CREB5: variants seen among roughly 807,000 people sequenced by gnomAD.
The protein encoded by CREB5 is cyclic AMP-responsive element-binding protein 5.
CREB5 carries 19 observed loss-of-function variants against 57.1 expected under a neutral mutation model. The ratio of observed to expected loss-of-function variants is 0.33; its 90% CI spans 0.23 to 0.49. The LOEUF is 0.49. Among genes scored for constraint, CREB5 ranks in the 20% least tolerant of loss-of-function variants. CREB5 has a pLI of 0.99. For missense variants in CREB5, 579 were observed against 671.6 expected, an observed-to-expected ratio of 0.86 and a Z score of 1.52; for synonymous variants, 238 against 238.3, an observed-to-expected ratio of 1.00 and a Z score of 0.01.
chr7:28,553,006 A>T (rs1794731568), intron 4 of CREB5, among the ~76,000 whole-genome samples: 1 of 152,184 alleles, frequency 6.6e-6, no homozygotes, highest in East Asian at 1.9e-4. Context: ...GGCGCAATTC[A>T]GTTTTCTCTC....
chr7:28,609,345 G>A (rs1363972178), intron 5 of CREB5, among the ~76,000 whole-genome samples: 1 of 152,070 alleles, frequency 6.6e-6, no homozygotes, highest in Non-Finnish European at 1.5e-5. Flanking sequence ...TTGAATTTCT[G>A]AGCCCTGACC....
At chr7:28,368,482 C>T (rs969765508) in intron 1 of CREB5, among the ~76,000 whole-genome samples, 2 of 152,180 alleles carry the variant, frequency 1.3e-5, no homozygotes, top group Non-Finnish European at 2.9e-5. Context: ...CTTTCTGATT[C>T]CACTTTCATG....
At chr7:28,635,840 T>C (rs1485234463) in intron 5 of CREB5, among the ~76,000 whole-genome samples, 1 of 152,188 alleles carries the variant, frequency 6.6e-6, no homozygotes, top group African/African-American at 2.4e-5. Flanking sequence ...ATATGGTGTC[T>C]CCCAAACTCC....
chr7:28,624,744 C>T (rs1014274592), intron 5 of CREB5, among the ~76,000 whole-genome samples: 3 of 151,120 alleles, frequency 2.0e-5, no homozygotes, highest in Middle Eastern at 3.4e-3. Context: ...TGAGTTTACT[C>T]GCTGAACTTC....
At chr7:28,382,743 C>T (rs946141287) in intron 1 of CREB5, among the ~76,000 whole-genome samples, 2 of 151,746 alleles carry the variant, frequency 1.3e-5, no homozygotes, top group African/African-American at 2.4e-5. Context: ...ATTCTCAACA[C>T]CCCCCTCACC....
At chr7:28,560,907 T>TGCATGC (rs1562797719) in intron 4 of CREB5, among the ~76,000 whole-genome samples, 2,513 of 42,514 alleles carry the variant, frequency 0.059, 441 homozygotes, top group Non-Finnish European at 0.068. Flanking sequence ...CGTGCGCGCG[T>TGCATGC]GCGTGTGCGT....
chr7:28,753,379 TAC>T (rs140459249), intron 7 of CREB5, among the ~76,000 whole-genome samples: 28 of 151,298 alleles, frequency 1.9e-4, no homozygotes, highest in Admixed American at 1.8e-3. Flanking sequence ...CGTGCATGCA[TAC>T]ACACACACAC....
chr7:28,748,038 G>GC (rs1449564767), intron 7 of CREB5, among the ~76,000 whole-genome samples: 6 of 152,234 alleles, frequency 3.9e-5, no homozygotes, highest in African/African-American at 1.4e-4. Context: ...TGGGCCTGTG[G>GC]CCATGTGGCT....
intron 1 of CREB5, among the ~76,000 whole-genome samples, chr7:28,472,381 A>C (rs1790861558): frequency 6.6e-6 from 1 of 152,208 alleles, no homozygotes; most frequent in Admixed American, 6.5e-5. Flanking sequence ...AATCCTCAAA[A>C]AAATCTATGA....
At chr7:28,444,582 A>T (rs1430693442) in intron 1 of CREB5, among the ~76,000 whole-genome samples, 1 of 152,170 alleles carries the variant, frequency 6.6e-6, no homozygotes, top group East Asian at 1.9e-4. Flanking sequence ...CCTCTCCACC[A>T]GAGGAGAAGC....
At chr7:28,443,726 C>T (rs1265854151) in intron 1 of CREB5, among the ~76,000 whole-genome samples, 1 of 152,198 alleles carries the variant, frequency 6.6e-6, no homozygotes, top group Non-Finnish European at 1.5e-5. Context: ...AACCCCTCTC[C>T]TCCTCAGCCA....
chr7:28,456,252 A>T (rs1790089778), intron 1 of CREB5, among the ~76,000 whole-genome samples: 1 of 152,144 alleles, frequency 6.6e-6, no homozygotes. Context: ...TTTTCCCCCA[A>T]AGAATCCATA....
intron 5 of CREB5, among the ~76,000 whole-genome samples, chr7:28,681,629 G>T (rs1053701217): frequency 1.3e-5 from 2 of 152,152 alleles, no homozygotes; most frequent in African/African-American, 4.8e-5. Flanking sequence ...GAAGCAAATG[G>T]CTGCTGAAGA....
intron 5 of CREB5, among the ~76,000 whole-genome samples, chr7:28,662,699 T>C (rs921400694): frequency 6.6e-6 from 1 of 152,140 alleles, no homozygotes; most frequent in African/African-American, 2.4e-5. Context: ...GGAAGTTCCG[T>C]CTCTGTTTCT....
At position 28,822,586 on chromosome 7, in the gene CREB5, T is replaced by A. The variant is rs1318440223; in HGVS notation, c.*3307T>A. The A allele has an allele frequency of 6.5e-6, 1 of 152,688 alleles. No homozygotes were observed. Among genetic ancestry groups the A allele is most frequent in the Non-Finnish European group, 1.5e-5 (1 of 68,096 alleles). The allele number at this position is 152,688 out of a possible 1,614,324, so 9.5% of individuals were successfully genotyped here. Reference sequence around the variant, plus strand: ...TGGTTTTCTTGATCGGTGAGATCTGTCTCTGAAGTCACTGCCAGCCTCCCT... The same window carrying A: ...TGGTTTTCTTGATCGGTGAGATCTGACTCTGAAGTCACTGCCAGCCTCCCT... On this transcript the variant is annotated 3_prime_UTR_variant, in exon 11 of 11. Coordinates refer to ENST00000357727, the MANE Select transcript of CREB5 (RefSeq NM_182898.4).
At chr7:28,644,676 T>C (rs1396262533) in intron 5 of CREB5, among the ~76,000 whole-genome samples, 1 of 152,164 alleles carries the variant, frequency 6.6e-6, no homozygotes, top group Non-Finnish European at 1.5e-5. Flanking sequence ...ATATTACAGA[T>C]GTTTAAAAAG....
chr7:28,385,202 A>G (rs138478498), intron 1 of CREB5, among the ~76,000 whole-genome samples: 50 of 152,336 alleles, frequency 3.3e-4, no homozygotes, highest in African/African-American at 1.1e-3. Context: ...GATAAAGAGT[A>G]TTGATGTCCT....
intron 5 of CREB5, among the ~76,000 whole-genome samples, chr7:28,675,765 G>A (rs533297346): frequency 5.3e-5 from 8 of 151,998 alleles, no homozygotes; most frequent in African/African-American, 1.7e-4. Context: ...CTTGGGATAA[G>A]GTGCTCATAT....
chr7:28,323,685 A>G (rs2127984783), intron 1 of CREB5, among the ~76,000 whole-genome samples: 1 of 152,288 alleles, frequency 6.6e-6, no homozygotes, highest in East Asian at 1.9e-4. Flanking sequence ...TTTATGGAAG[A>G]CAATTTTTCC....
Sources: gnomAD v4.1 joint callset for allele counts (sites outside exome capture counted in the v4.1 genomes callset) on GRCh38, gnomAD v4.1.1 for gene constraint, MANE v1.5 for transcripts, NCBI Gene and HGNC (gene_info 2026-07-23, HGNC 2026-07-21) for gene names.